CSRNP1: variants seen among roughly 807,000 people sequenced by gnomAD.
CSRNP1 encodes the protein cysteine and serine rich nuclear protein 1, also known as cysteine/serine-rich nuclear protein 1.
CSRNP1 carries 8 observed loss-of-function variants against 25.0 expected under a neutral mutation model. The ratio of observed to expected loss-of-function variants is 0.32; its 90% CI spans 0.19 to 0.58. The LOEUF is 0.58. Ranked by LOEUF, CSRNP1 falls within the 20% of genes least tolerant of loss-of-function variation. CSRNP1 has a pLI of 0.88. For synonymous variants in CSRNP1, 305 were observed against 303.1 expected, an observed-to-expected ratio of 1.01 and a Z score of -0.06; for missense variants, 691 against 773.1, an observed-to-expected ratio of 0.89 and a Z score of 1.26.
In CSRNP1 at chr3:39,143,607, C is replaced by T; in HGVS notation, c.1218G>A (p.Glu406=). ...CCACGCTCCCTTCCTCCTCTTCCTCCTCCTCCCCACCGAAGTCAGAGTCAC... is the reference window on the plus strand; with the variant it reads ...CCACGCTCCCTTCCTCCTCTTCCTCTTCCTCCCCACCGAAGTCAGAGTCAC... The part of the protein sequence containing the change: ...SFSDSDFGGE[E]EEEEEGSVGN... Residue 406 remains glutamate (E), a synonymous_variant, in exon 5 of 5, where the codon GAG becomes GAA. Transcript: ENST00000273153. 1 of 1,614,162 alleles carries T rather than the reference C, an allele frequency of 6.2e-7. No individual in the cohort carries two copies. Among genetic ancestry groups the T allele is most frequent in the African/African-American group, 1.3e-5 (1 of 75,064 alleles).
chr3:39,147,524 T>C (rs1035019344), intron 1 of CSRNP1, among the ~76,000 whole-genome samples: 63 of 152,250 alleles, frequency 4.1e-4, no homozygotes, highest in African/African-American at 1.5e-3. Context: ...AGAAGTCTCC[T>C]GCCTCCAGGC....
chr3:39,151,468 TGA>T (rs541602459), intron 1 of CSRNP1: 279 of 153,418 alleles, frequency 1.8e-3, no homozygotes, highest in South Asian at 7.8e-3. Context: ...GGGCGGGGCT[TGA>T]AAACGTCACA....
At chr3:39,147,341 A>ACT (rs1199987659) in intron 1 of CSRNP1, among the ~76,000 whole-genome samples, 2 of 151,566 alleles carry the variant, frequency 1.3e-5, no homozygotes, top group Non-Finnish European at 2.9e-5. Context: ...CAGGCACGCC[A>ACT]CTCTGCACAC....
In CSRNP1 at chr3:39,146,556, A is replaced by G; in HGVS notation, c.127T>C (p.Trp43Arg). 6.4e-7 allele frequency: 1 copy of G among 1,553,098 alleles called. No homozygotes were observed. The highest frequency in any genetic ancestry group is 1.2e-5 in the South Asian group (1 of 84,144). ...CSPSSSVSRAWDSEEEGPWDQ... is the reference protein window; with the variant it reads ...CSPSSSVSRARDSEEEGPWDQ... Reference sequence around the variant, plus strand: ...CAGGGGCCTTCCTCCTCTGAGTCCCAGGCACGGGAGACAGAAGAGCTTGGG... The same window carrying G: ...CAGGGGCCTTCCTCCTCTGAGTCCCGGGCACGGGAGACAGAAGAGCTTGGG... The change falls in exon 2 of 5, where the codon TGG becomes CGG. Residue 43 changes from tryptophan (W) to arginine (R), a missense_variant. Physicochemically the swap from Trp to Arg is moderately radical, Grantham distance 101 (BLOSUM62 -3). Transcript: ENST00000273153.
chr3:39,143,300 G>C lies in CSRNP1; in HGVS notation c.1525C>G (p.Gln509Glu). ...LSSCDSFELL[Q>E]ALPDYSLGPH... ...CCCAGACTATAATCTGGCAGAGCCT[G>C]GAGTAACTCAAAGGAGTCACAAGAA... is the stretch of plus-strand genomic sequence containing the variant. The change falls in exon 5 of 5, where the codon CAG (glutamine) becomes GAG (glutamate). Residue 509 changes from glutamine (Q) to glutamate (E), a missense_variant. Gln to Glu is a conservative substitution (Grantham distance 29). Transcript: ENST00000273153. The C allele has an allele frequency of 6.2e-7, 1 of 1,614,210 alleles. No homozygotes were observed. Among genetic ancestry groups the C allele is most frequent in the Non-Finnish European group, 8.5e-7 (1 of 1,180,042 alleles).
chr3:39,143,020 AG>A lies in CSRNP1; in HGVS notation c.*34del. On this transcript the variant is annotated 3_prime_UTR_variant, in exon 5 of 5. Coordinates refer to ENST00000273153, the MANE Select transcript of CSRNP1 (RefSeq NM_033027.4). ...CCCATAATTACAAGAAAGCAGCAAC[AG>A]GTCTCTTGGGGCTGGGAAAAGACAT... 1 of 1,524,280 alleles carries A rather than the reference AG, an allele frequency of 6.6e-7. No homozygotes were observed. The highest frequency in any genetic ancestry group is 8.8e-7 in the Non-Finnish European group (1 of 1,136,720). 94.4% of individuals were successfully genotyped at this position (1,524,280 alleles called of 1,614,324 possible).
At position 39,142,404 on chromosome 3, in the gene CSRNP1, A is replaced by G. The variant is rs784501; in HGVS notation, c.*651T>C. 116,399 of 152,906 alleles carry G rather than the reference A, an allele frequency of 0.76. 44,388 individuals are homozygous for G. The highest frequency in any genetic ancestry group is 0.8 in the South Asian group (3,886 of 4,836). 9.5% of individuals were successfully genotyped at this position (152,906 alleles called of 1,614,324 possible). On this transcript the variant is annotated 3_prime_UTR_variant, in exon 5 of 5. Transcript: ENST00000273153. ...TGATGTCCTTGGCCAGCACCTGCCC[A>G]CAGAGCCATCTAGGAGCCAGGCAGC...
chr3:39,142,989 G>A lies in CSRNP1; in HGVS notation c.*66C>T. 4.0e-6 allele frequency: 6 copies of A among 1,509,630 alleles called. No homozygotes were observed. Among genetic ancestry groups the A allele is most frequent in the Non-Finnish European group, 5.3e-6 (6 of 1,126,800 alleles). 93.5% of individuals were successfully genotyped at this position (1,509,630 alleles called of 1,614,324 possible). On this transcript the variant is annotated 3_prime_UTR_variant, in exon 5 of 5. Transcript: ENST00000273153. ...GTGGGAGACTGTTACGCAGACTCTG[G>A]GGAGCCCCATAATTACAAGAAAGCA...
chr3:39,147,176 A>C (rs985532970), intron 1 of CSRNP1, among the ~76,000 whole-genome samples: 3 of 151,840 alleles, frequency 2.0e-5, no homozygotes, highest in African/African-American at 7.3e-5. Context: ...GCTGACTCAC[A>C]GGCTGGGTGA....
At chr3:39,144,631 GAA>G (rs57973898) in intron 3 of CSRNP1, among the ~76,000 whole-genome samples, 180 bp from the exon 4 acceptor site, 9 of 136,780 alleles carry the variant, frequency 6.6e-5, no homozygotes, top group Middle Eastern at 3.8e-3. Flanking sequence ...CAGGGCATTT[GAA>G]AAAAAAAAAA....
chr3:39,144,741 C>T (rs1376564441), intron 3 of CSRNP1, among the ~76,000 whole-genome samples: 1 of 152,074 alleles, frequency 6.6e-6, no homozygotes, highest in Non-Finnish European at 1.5e-5. Flanking sequence ...AACTTCACAT[C>T]CCCCTCTCCA....
rs1337009575 is a variant in CSRNP1, at chr3:39,143,033, C to A, written c.*22G>T. ...GAAAGCAGCAACAGGTCTCTTGGGG[C>A]TGGGAAAAGACATCCTGGTCCTCAC... On this transcript the variant is annotated 3_prime_UTR_variant, in exon 5 of 5. Coordinates refer to ENST00000273153, the MANE Select transcript of CSRNP1 (RefSeq NM_033027.4). 1.3e-6 allele frequency: 2 copies of A among 1,534,298 alleles called. No homozygotes were observed. Among genetic ancestry groups the A allele is most frequent in the Non-Finnish European group, 1.8e-6 (2 of 1,140,504 alleles).
At position 39,143,689 on chromosome 3, in the gene CSRNP1, C is replaced by G. The variant is rs773094089; in HGVS notation, c.1136G>C (p.Gly379Ala). 1.2e-6 allele frequency: 2 copies of G among 1,614,210 alleles called. No homozygotes were observed. The highest frequency in any genetic ancestry group is 1.7e-5 in the Admixed American group (1 of 60,032). The change falls in exon 5 of 5, where the codon GGC becomes GCC. Residue 379 changes from glycine to alanine, a missense_variant. By Grantham distance (60) the Gly-to-Ala change is moderately conservative. Transcript: ENST00000273153. ...ATCAACGCCAGGCTGGAAGCCAGGG[C>G]CAGGCAGGCCTGGGTGGGTGGGGCA... ...PDCPTHPGLPGPGFQPGVDDD... is the reference protein window; with the variant it reads ...PDCPTHPGLPAPGFQPGVDDD...
Position 39,143,977 on chromosome 3 carries a change from T to G in CSRNP1, c.848A>C (p.Glu283Ala). The G allele has an allele frequency of 6.2e-7, 1 of 1,614,038 alleles. No homozygotes were observed. The highest frequency in any genetic ancestry group is 8.5e-7 in the Non-Finnish European group (1 of 1,180,020). Residue 283 changes from glutamate to alanine, a missense_variant, in exon 5 of 5, where the codon GAA (glutamate) becomes GCA (alanine). Physicochemically the swap from Glu to Ala is moderately radical, Grantham distance 107. Coordinates refer to ENST00000273153, the MANE Select transcript of CSRNP1 (RefSeq NM_033027.4). ...EGCENPMGRV[E>A]FNQARVQTHF... Reference sequence around the variant, plus strand: ...GGTCTGAACTCTTGCCTGATTAAATTCCACACGGCCCATGGGGTTCTCACA... The same window carrying G: ...GGTCTGAACTCTTGCCTGATTAAATGCCACACGGCCCATGGGGTTCTCACA...
At position 39,143,199 on chromosome 3, in the gene CSRNP1, C is replaced by G. The variant is rs750974555; in HGVS notation, c.1626G>C (p.Leu542=). 47 of 1,614,096 alleles carry G rather than the reference C, an allele frequency of 2.9e-5. No individual in the cohort carries two copies. The South Asian group carries it at 4.8e-4, about 17-fold the overall frequency. ...AACTGCTGGCATCCCCAGGTGGAGACAGGCCAGGCAGGGGGAAGTGAGGTG... is the reference window on the plus strand; with the variant it reads ...AACTGCTGGCATCCCCAGGTGGAGAGAGGCCAGGCAGGGGGAAGTGAGGTG... ...IEAPHFPLPG[L]SPPGDASSCF... The change falls in exon 5 of 5, where the codon CTG becomes CTC. Residue 542 remains leucine, a synonymous_variant. Coordinates refer to ENST00000273153, the MANE Select transcript of CSRNP1 (RefSeq NM_033027.4).
chr3:39,152,618 G>C (rs542347426), intron 1 of CSRNP1: 1 of 154,504 alleles, frequency 6.5e-6, no homozygotes, highest in East Asian at 1.9e-4. Context: ...AGGAGTGTGG[G>C]CTACGGCTGT....
At chr3:39,151,251 A>C (rs548528995) in intron 1 of CSRNP1, 3 of 152,422 alleles carry the variant, frequency 2.0e-5, no homozygotes, top group African/African-American at 7.2e-5. Flanking sequence ...GGAACCCCAG[A>C]GACAGGCCCT....
At position 39,142,359 on chromosome 3, in the gene CSRNP1, A is replaced by AG. The variant is rs1181875922; in HGVS notation, c.*695dup. ...AGTTTTGGTCACAGCTGTTCAGCCCAGGCTCTCCCCCTGCCTAGATGATGT... is the reference window on the plus strand; with the variant it reads ...AGTTTTGGTCACAGCTGTTCAGCCCAGGGCTCTCCCCCTGCCTAGATGATGT... On this transcript the variant is annotated 3_prime_UTR_variant, in exon 5 of 5. Coordinates refer to ENST00000273153, the MANE Select transcript of CSRNP1 (RefSeq NM_033027.4). 1 of 152,632 alleles carries AG rather than the reference A, an allele frequency of 6.6e-6. No individual in the cohort carries two copies. The highest frequency in any genetic ancestry group is 2.4e-5 in the African/African-American group (1 of 41,450). 9.5% of individuals were successfully genotyped at this position (152,632 alleles called of 1,614,324 possible). A position where few individuals can be genotyped will look rare whatever the true frequency, so the allele number is the denominator to read the frequency against.
In CSRNP1 at chr3:39,143,029, G is replaced by C; in HGVS notation, c.*26C>G. ...ACAAGAAAGCAGCAACAGGTCTCTT[G>C]GGGCTGGGAAAAGACATCCTGGTCC... On this transcript the variant is annotated 3_prime_UTR_variant, in exon 5 of 5. Transcript: ENST00000273153. The C allele has an allele frequency of 1.3e-6, 2 of 1,531,860 alleles. No individual in the cohort carries two copies. Among genetic ancestry groups the C allele is most frequent in the East Asian group, 2.3e-5 (1 of 44,056 alleles). 94.9% of individuals were successfully genotyped at this position (1,531,860 alleles called of 1,614,324 possible).
Sources: allele counts gnomAD v4.1 joint callset (sites outside exome capture counted in the v4.1 genomes callset), GRCh38; gene constraint gnomAD v4.1.1; transcripts MANE v1.5; gene names NCBI Gene and HGNC (gene_info 2026-07-23, HGNC 2026-07-21).